SH3RF3: variants seen among roughly 807,000 people sequenced by gnomAD.
SH3RF3 encodes E3 ubiquitin-protein ligase SH3RF3.
In SH3RF3, 29 loss-of-function variants were observed where a neutral mutation model predicts 66.3. The observed-to-expected ratio is 0.44, with a 90% CI of 0.33 to 0.60. The LOEUF is 0.60. Among genes scored for constraint, SH3RF3 ranks in the 20% least tolerant of loss-of-function variants. SH3RF3 has a pLI of 0.04. For synonymous variants in SH3RF3, 583 were observed against 532.0 expected (o/e 1.10, Z -1.32); for missense variants, 1,194 against 1,190.9 (o/e 1.00, Z -0.04).
chr2:109,427,303 T>G (rs1559077746), intron 5 of SH3RF3, among the ~76,000 whole-genome samples: 1 of 152,204 alleles, frequency 6.6e-6, no homozygotes, highest in Non-Finnish European at 1.5e-5. Flanking sequence ...TACTTACATT[T>G]TTTTAGACAT....
At chr2:109,471,474 G>A (rs6718336) in intron 8 of SH3RF3, among the ~76,000 whole-genome samples, 2,376 of 152,236 alleles carry the variant, frequency 0.016, 66 homozygotes, top group African/African-American at 0.054. Flanking sequence ...AACTGCCCCC[G>A]TGATCTAGTC....
intron 1 of SH3RF3, among the ~76,000 whole-genome samples, chr2:109,224,686 C>T (rs918460345): frequency 2.6e-5 from 4 of 152,122 alleles, no homozygotes; most frequent in African/African-American, 9.7e-5. Context: ...GGTGAAACCC[C>T]GTCTCTACTA....
At chr2:109,371,337 C>T (rs915987865) in intron 2 of SH3RF3, among the ~76,000 whole-genome samples, 4 of 152,198 alleles carry the variant, frequency 2.6e-5, no homozygotes, top group East Asian at 3.8e-4. Context: ...CTGCAGTGAG[C>T]GGAGATTGCG....
At chr2:109,348,408 A>C (rs1373314737) in intron 2 of SH3RF3, among the ~76,000 whole-genome samples, 1 of 152,220 alleles carries the variant, frequency 6.6e-6, no homozygotes. Flanking sequence ...TCTGTGCATC[A>C]CAGCCCTGTC....
intron 5 of SH3RF3, among the ~76,000 whole-genome samples, chr2:109,432,101 C>T (rs1677241847): frequency 6.6e-6 from 1 of 152,158 alleles, no homozygotes; most frequent in South Asian, 2.1e-4. Flanking sequence ...GTTTCCCTTG[C>T]TCAGAGCATC....
Position 109,310,003 on chromosome 2 carries a change from T to C in SH3RF3, c.574-37671T>C, listed in dbSNP as rs1253248888. On this transcript the variant is annotated intron_variant, in intron 1 of 9. Transcript: ENST00000309415. ...GCACCAGGTGGACCTAATAGACATC[T>C]ACAGAACTCTCCACCCCAAATCAAC... 4.0e-5 allele frequency among the ~76,000 whole-genome samples: 5 copies of C among 125,652 alleles called. 1 individual carries two copies. The highest frequency in any genetic ancestry group is 7.9e-5 in the Admixed American group (1 of 12,720). 82.4% of individuals were successfully genotyped at this position (125,652 alleles called of 152,430 possible). A position where few individuals can be genotyped will look rare whatever the true frequency, so the allele number is the denominator to read the frequency against.
At chr2:109,211,917 A>G (rs7355622) in intron 1 of SH3RF3, among the ~76,000 whole-genome samples, 42,735 of 152,154 alleles carry the variant, frequency 0.28, 6,351 homozygotes, top group East Asian at 0.46. Flanking sequence ...TGCTGGGATT[A>G]CAGGTGTGAG....
rs532334469 is a variant in SH3RF3 at position 109,408,474 on chromosome 2, G to A, written c.1299+9531G>A. On this transcript the variant is annotated intron_variant, in intron 4 of 9. Transcript: ENST00000309415. Reference sequence around the variant, plus strand: ...CCTACCTCCCCACAGGCATTATCTGGATGCAGTGTGGGTTTGGGAGGCGAG... The same window carrying A: ...CCTACCTCCCCACAGGCATTATCTGAATGCAGTGTGGGTTTGGGAGGCGAG... Among the ~76,000 whole-genome samples the A allele has an allele frequency of 1.8e-3, 278 of 152,324 alleles. 4 individuals are homozygous for A. Among genetic ancestry groups the A allele is most frequent in the African/African-American group, 6.4e-3 (264 of 41,574 alleles).
chr2:109,141,285 T>G (rs2104831838), intron 1 of SH3RF3, among the ~76,000 whole-genome samples: 1 of 152,334 alleles, frequency 6.6e-6, no homozygotes, highest in East Asian at 1.9e-4. Flanking sequence ...TGGCAACCAG[T>G]GCTCTGTCGG....
intron 1 of SH3RF3, among the ~76,000 whole-genome samples, chr2:109,153,342 T>C (rs1374271936): frequency 6.6e-6 from 1 of 152,200 alleles, no homozygotes; most frequent in African/African-American, 2.4e-5. Context: ...TTTTTCTCTC[T>C]TCTTCTTAGT....
At chr2:109,281,878 C>T (rs1680901443) in intron 1 of SH3RF3, among the ~76,000 whole-genome samples, 2 of 152,142 alleles carry the variant, frequency 1.3e-5, no homozygotes, top group Admixed American at 1.3e-4. Context: ...TGACGGTTCC[C>T]ACTGAGAGGG....
At chr2:109,267,539 C>T (rs569685222) in intron 1 of SH3RF3, among the ~76,000 whole-genome samples, 5 of 152,304 alleles carry the variant, frequency 3.3e-5, no homozygotes, top group Non-Finnish European at 7.4e-5. Context: ...GCCCCACTCC[C>T]TTCCAACAGA....
Position 109,144,512 on chromosome 2 carries a change from T to G in SH3RF3, c.573+14399T>G, listed in dbSNP as rs535786556. Among the ~76,000 whole-genome samples the G allele has an allele frequency of 5.9e-5, 9 of 152,346 alleles. No individual in the cohort carries two copies. The South Asian group carries it at 1.9e-3, about 32-fold the overall frequency. ...GCTGTGGATGTGCTGAGGCTTTGTATGAGGGAAGAGTTTGAACGAGGTGAA... is the reference window on the plus strand; with the variant it reads ...GCTGTGGATGTGCTGAGGCTTTGTAGGAGGGAAGAGTTTGAACGAGGTGAA... On this transcript the variant is annotated intron_variant, in intron 1 of 9. Coordinates refer to ENST00000309415, the MANE Select transcript of SH3RF3 (RefSeq NM_001099289.3).
At chr2:109,287,136 G>T (rs536520283) in intron 1 of SH3RF3, among the ~76,000 whole-genome samples, 3 of 152,146 alleles carry the variant, frequency 2.0e-5, no homozygotes, top group Middle Eastern at 3.2e-3. Flanking sequence ...CTCATGGGGG[G>T]TTGTCCAGAG....
chr2:109,188,939 A>G (rs1261816841), intron 1 of SH3RF3, among the ~76,000 whole-genome samples: 1 of 152,050 alleles, frequency 6.6e-6, no homozygotes, highest in East Asian at 1.9e-4. Context: ...TAATTAAAAA[A>G]AAAACCTGAA....
chr2:109,239,393 A>C (rs1679725447), intron 1 of SH3RF3, among the ~76,000 whole-genome samples: 1 of 152,236 alleles, frequency 6.6e-6, no homozygotes, highest in Admixed American at 6.5e-5. Flanking sequence ...ACAAAAATGA[A>C]CTGAATAAGA....
At chr2:109,466,115 C>G (rs60411846) in intron 8 of SH3RF3, among the ~76,000 whole-genome samples, 1 of 138,160 alleles carries the variant, frequency 7.2e-6, no homozygotes, top group South Asian at 2.3e-4. Context: ...AGTCTCGCTC[C>G]GTCGCCCAGG....
At chr2:109,399,958 G>A (rs753695934) in intron 4 of SH3RF3, among the ~76,000 whole-genome samples, 1 of 152,186 alleles carries the variant, frequency 6.6e-6, no homozygotes. Context: ...CGGCCCACCC[G>A]CCACCACGCT....
intron 3 of SH3RF3, among the ~76,000 whole-genome samples, chr2:109,396,044 G>A (rs1306577598): frequency 6.6e-6 from 1 of 152,218 alleles, no homozygotes; most frequent in African/African-American, 2.4e-5. Flanking sequence ...CGCGTGGCAG[G>A]TGTGTTTAGA....
Sources: gnomAD v4.1 joint callset for allele counts (sites outside exome capture counted in the v4.1 genomes callset) on GRCh38, gnomAD v4.1.1 for gene constraint, MANE v1.5 for transcripts, NCBI Gene and HGNC (gene_info 2026-07-23, HGNC 2026-07-21) for gene names.